The following BBOX1 variants were observed in gnomAD, a reference collection of about 807,000 sequenced individuals.
The protein encoded by BBOX1 is gamma-butyrobetaine hydroxylase 1, also known as gamma-butyrobetaine dioxygenase.
Under a neutral mutation model 41.6 loss-of-function variants are expected in BBOX1, and 35 were observed. The ratio of observed to expected loss-of-function variants is 0.84; its 90% CI spans 0.64 to 1.11. The LOEUF is 1.11. Ranked by LOEUF, BBOX1 falls within the 50% of genes most tolerant of loss-of-function variation. BBOX1 has a pLI of 0.00. For missense variants in BBOX1, 458 were observed against 460.6 expected (o/e 0.99, Z 0.05); for synonymous variants, 163 against 154.7 (o/e 1.05, Z -0.40).
At chr11:27,104,325 A>G (rs1190302404) in intron 5 of BBOX1, among the ~76,000 whole-genome samples, 2 of 152,072 alleles carry the variant, frequency 1.3e-5, no homozygotes, top group African/African-American at 4.8e-5. Flanking sequence ...GCTTTCTCCT[A>G]CACAGTTGCC....
chr11:27,126,768 C>G (rs1859672039), intron 8 of BBOX1, among the ~76,000 whole-genome samples: 1 of 151,448 alleles, frequency 6.6e-6, no homozygotes, highest in South Asian at 2.1e-4. Context: ...CTCCGCCTCC[C>G]GGGTTCACGC....
At position 27,076,232 on chromosome 11, in the gene BBOX1, C is replaced by A. The variant is rs1349776753; in HGVS notation, c.335-16936C>A. Among the ~76,000 whole-genome samples the A allele has an allele frequency of 9.8e-5, 15 of 152,292 alleles. No homozygotes were observed. In the East Asian group the frequency reaches 2.7e-3, roughly 27 times the overall value. ...AGTGATGTGATCTGTCCTCTAGTCT[C>A]CTAGCAGCAGATACCAGCACTAGCT... is the stretch of plus-strand genomic sequence containing the variant. On this transcript the variant is annotated intron_variant, in intron 4 of 8. Transcript: ENST00000263182.
intron 2 of BBOX1, among the ~76,000 whole-genome samples, chr11:27,051,267 A>C (rs1272765758): frequency 1.3e-5 from 2 of 152,012 alleles, no homozygotes; most frequent in African/African-American, 2.4e-5. Flanking sequence ...ATCTATGTTT[A>C]CCAGGAATAT....
At chr11:27,082,351 G>A (rs1299266556) in intron 4 of BBOX1, among the ~76,000 whole-genome samples, 1 of 152,048 alleles carries the variant, frequency 6.6e-6, no homozygotes, top group Non-Finnish European at 1.5e-5. Context: ...TCCACGGGGA[G>A]GTGTGTGGCA....
At chr11:27,082,860 C>T (rs1420154236) in intron 4 of BBOX1, among the ~76,000 whole-genome samples, 4 of 152,014 alleles carry the variant, frequency 2.6e-5, no homozygotes, top group African/African-American at 9.7e-5. Context: ...ATGGTCATTC[C>T]AGTCATAAGC....
intron 7 of BBOX1, among the ~76,000 whole-genome samples, chr11:27,122,141 C>T (rs1009517032): frequency 6.6e-6 from 1 of 151,976 alleles, no homozygotes; most frequent in South Asian, 2.1e-4. Context: ...ATTTTTATGT[C>T]CTAGTACAAA....
intron 4 of BBOX1, among the ~76,000 whole-genome samples, chr11:27,088,118 AG>A (rs1858108137): frequency 6.6e-6 from 1 of 152,008 alleles, no homozygotes; most frequent in Non-Finnish European, 1.5e-5. Flanking sequence ...TGGAAAAAAA[AG>A]CTCATATAGA....
intron 3 of BBOX1, 32 bp downstream of exon 3, chr11:27,055,681 T>C: frequency 6.4e-7 from 1 of 1,569,772 alleles, no homozygotes; most frequent in Non-Finnish European, 8.7e-7. Flanking sequence ...CTCCCTTCTT[T>C]CTCAAGTTCA....
intron 6 of BBOX1, among the ~76,000 whole-genome samples, chr11:27,119,182 C>T (rs549804057): frequency 4.6e-5 from 7 of 152,098 alleles, no homozygotes; most frequent in East Asian, 1.9e-4. Context: ...TGCATTTTTG[C>T]ACATCATTAT....
At chr11:27,059,430 C>T (rs1270031089) in intron 4 of BBOX1, among the ~76,000 whole-genome samples, 1 of 152,210 alleles carries the variant, frequency 6.6e-6, no homozygotes, top group African/African-American at 2.4e-5. Flanking sequence ...GCTGCAGGGG[C>T]AGAGCCCTCA....
intron 5 of BBOX1, among the ~76,000 whole-genome samples, chr11:27,100,015 A>C (rs2134059217): frequency 6.6e-6 from 1 of 152,146 alleles, no homozygotes; most frequent in East Asian, 1.9e-4. Context: ...GGCCTCTGGG[A>C]AGTACAACTA....
At chr11:27,126,969 C>T (rs554940863) in intron 8 of BBOX1, among the ~76,000 whole-genome samples, 2 of 152,172 alleles carry the variant, frequency 1.3e-5, no homozygotes, top group Admixed American at 6.5e-5. Flanking sequence ...CCACCGCGCC[C>T]GGCAGAAGAA....
intron 4 of BBOX1, among the ~76,000 whole-genome samples, chr11:27,089,278 A>T (rs1858152548): frequency 6.6e-6 from 1 of 151,994 alleles, no homozygotes; most frequent in Non-Finnish European, 1.5e-5. Context: ...AGTAGCTATG[A>T]TATTGGACAG....
chr11:27,121,667 T>C (rs1859470151), intron 7 of BBOX1, among the ~76,000 whole-genome samples: 1 of 152,152 alleles, frequency 6.6e-6, no homozygotes, highest in African/African-American at 2.4e-5. Flanking sequence ...AAGAATGAAA[T>C]TCTAGTCCAG....
intron 4 of BBOX1, among the ~76,000 whole-genome samples, chr11:27,068,353 T>G (rs1857350831): frequency 6.6e-6 from 1 of 152,204 alleles, no homozygotes; most frequent in Admixed American, 6.5e-5. Flanking sequence ...TCATGTTTGT[T>G]GGCCATTTGT....
chr11:27,059,460 G>A (rs1857076805), intron 4 of BBOX1, among the ~76,000 whole-genome samples: 1 of 152,218 alleles, frequency 6.6e-6, no homozygotes, highest in Non-Finnish European at 1.5e-5. Context: ...CTAGGGAAAT[G>A]CAGAGGAAAA....
chr11:27,068,607 C>G (rs1450037630), intron 4 of BBOX1, among the ~76,000 whole-genome samples: 1 of 151,686 alleles, frequency 6.6e-6, no homozygotes, highest in Non-Finnish European at 1.5e-5. Flanking sequence ...TTTTTGTTTG[C>G]TACATTTGCT....
chr11:27,104,112 T>C (rs548806756), intron 5 of BBOX1, among the ~76,000 whole-genome samples: 2 of 152,286 alleles, frequency 1.3e-5, no homozygotes, highest in Non-Finnish European at 2.9e-5. Context: ...GGGAGATTTA[T>C]CTGGTTTGTT....
chr11:27,063,327 T>C (rs1857185746), intron 4 of BBOX1, among the ~76,000 whole-genome samples: 1 of 152,148 alleles, frequency 6.6e-6, no homozygotes, highest in Non-Finnish European at 1.5e-5. Flanking sequence ...CATAATTATA[T>C]GCTCATTTTT....
Sources: gnomAD v4.1 joint callset for allele counts (sites outside exome capture counted in the v4.1 genomes callset) on GRCh38, gnomAD v4.1.1 for gene constraint, MANE v1.5 for transcripts, NCBI Gene and HGNC (gene_info 2026-07-23, HGNC 2026-07-21) for gene names.